The following CYP4F12 variants were observed in gnomAD, a reference collection of about 807,000 sequenced individuals.
CYP4F12 encodes cytochrome P450 4F12.
CYP4F12 carries 60 observed loss-of-function variants against 56.5 expected under a neutral mutation model. The observed-to-expected ratio is 1.06, with a 90% CI of 0.86 to 1.32. The LOEUF is 1.32. Ranked by LOEUF, CYP4F12 falls within the 40% of genes most tolerant of loss-of-function variation. CYP4F12 has a pLI of 0.00. For synonymous variants in CYP4F12, 263 were observed against 264.9 expected, an observed-to-expected ratio of 0.99 and a Z score of 0.07; for missense variants, 711 against 683.5, an observed-to-expected ratio of 1.04 and a Z score of -0.45.
chr19:15,673,409 A>C lies in CYP4F12; in HGVS notation c.-1-120A>C, dbSNP rs1246433341. 14 of 1,131,404 alleles carry C rather than the reference A, an allele frequency of 1.2e-5. 1 individual carries two copies. The highest frequency in any genetic ancestry group is 1.7e-5 in the Non-Finnish European group (14 of 801,738). 70.1% of individuals were successfully genotyped at this position (1,131,404 alleles called of 1,614,324 possible). On this transcript the variant is annotated intron_variant, in intron 1 of 12. Transcript: ENST00000550308. ...GGACTTCAGATCTCAGCCCTCGTTTACTCACCCCTGAGCCCTCCCTGCCCT... is the reference window on the plus strand; with the variant it reads ...GGACTTCAGATCTCAGCCCTCGTTTCCTCACCCCTGAGCCCTCCCTGCCCT...
chr19:15,696,924 G>C lies in CYP4F12; in HGVS notation c.1414G>C (p.Ala472Pro), dbSNP rs201022990. 5.0e-5 allele frequency: 80 copies of C among 1,613,592 alleles called. No homozygotes were observed. The African/African-American group carries it at 9.2e-4, about 19-fold the overall frequency. ...SAGPRNCIGQ[A>P]FAMAEMKVVL... ...CGCCTGCAGGAACTGCATCGGGCAG[G>C]CGTTCGCCATGGCGGAGATGAAAGT... The change falls in exon 13 of 13, where the codon GCG (alanine) becomes CCG (proline). Residue 472 changes from alanine (A) to proline (P), a missense_variant. Physicochemically the swap from Ala to Pro is conservative, Grantham distance 27. Coordinates refer to ENST00000550308, the MANE Select transcript of CYP4F12 (RefSeq NM_023944.4).
In CYP4F12 at chr19:15,673,611, T is replaced by C; in HGVS notation, c.82T>C (p.Ser28Pro). ...PWLLLLLVVG[S>P]WLLARILAWT... ...GCTACTCCTGCTGCTGGTTGTGGGCTCCTGGCTACTCGCCCGCATCCTGGC... is the reference window on the plus strand; with the variant it reads ...GCTACTCCTGCTGCTGGTTGTGGGCCCCTGGCTACTCGCCCGCATCCTGGC... The change falls in exon 2 of 13, where the codon TCC (serine) becomes CCC (proline). Residue 28 changes from serine (S) to proline (P), a missense_variant. Ser to Pro is a moderately conservative substitution (Grantham distance 74, BLOSUM62 -1). Transcript: ENST00000550308. 6.2e-7 allele frequency: 1 copy of C among 1,614,110 alleles called. No homozygotes were observed. Among genetic ancestry groups the C allele is most frequent in the East Asian group, 2.2e-5 (1 of 44,872 alleles).
At chr19:15,682,128 C>A in intron 5 of CYP4F12, 2 of 345,432 alleles carry the variant, frequency 5.8e-6, no homozygotes, top group Non-Finnish European at 1.1e-5. Context: ...TAGAGGAGGG[C>A]AATATGTTGA....
chr19:15,684,452 GC>G, intron 7 of CYP4F12: 1 of 217,072 alleles, frequency 4.6e-6, no homozygotes, highest in Non-Finnish European at 8.9e-6. Flanking sequence ...TATTTTTGGA[GC>G]AATACATAAT....
chr19:15,694,774 A>G (rs1335304330), intron 9 of CYP4F12, among the ~76,000 whole-genome samples: 1 of 152,194 alleles, frequency 6.6e-6, no homozygotes. Context: ...CTGGCCATCA[A>G]AGAAATGCAA....
At chr19:15,675,877 C>G (rs1467271492) in intron 2 of CYP4F12, among the ~76,000 whole-genome samples, 1 of 152,182 alleles carries the variant, frequency 6.6e-6, no homozygotes. Flanking sequence ...TTCTTCTTAT[C>G]TCTAATGCAT....
At chr19:15,679,633 G>A (rs1478732206) in intron 3 of CYP4F12, among the ~76,000 whole-genome samples, 1 of 152,182 alleles carries the variant, frequency 6.6e-6, no homozygotes, top group African/African-American at 2.4e-5. Context: ...ATTTGAAATT[G>A]TCTTTTCTCC....
At chr19:15,685,822 T>C (rs762056758) in intron 9 of CYP4F12, among the ~76,000 whole-genome samples, 2 of 152,266 alleles carry the variant, frequency 1.3e-5, no homozygotes, top group African/African-American at 2.4e-5. Context: ...CCTGAATGTT[T>C]ACTCTTCTGT....
intron 4 of CYP4F12, 38 bp downstream of exon 4, chr19:15,680,335 T>C (rs772214781): frequency 1.8e-5 from 29 of 1,613,260 alleles, no homozygotes; most frequent in Non-Finnish European, 2.3e-5. Flanking sequence ...GGGACAACCT[T>C]GCGGGGAGGG....
At chr19:15,681,441 CAG>C (rs2007294134) in intron 5 of CYP4F12, 1 of 152,196 alleles carries the variant, frequency 6.6e-6, no homozygotes, top group Non-Finnish European at 1.5e-5. Flanking sequence ...ATTCCTGGGT[CAG>C]AGACAAAGGG....
Position 15,696,517 on chromosome 19 carries a change from G to C in CYP4F12, c.1397+5G>C, listed in dbSNP as rs571996132. ...TCCTTTCTCCGCAGGGCCCAGGTAAGAGCGCCCTGTGTCTGAGGCAGGGAT... is the reference window on the plus strand; with the variant it reads ...TCCTTTCTCCGCAGGGCCCAGGTAACAGCGCCCTGTGTCTGAGGCAGGGAT... On this transcript the variant is annotated splice_donor_5th_base_variant and intron_variant, in intron 12 of 12. Transcript: ENST00000550308. The C allele has an allele frequency of 1.1e-5, 17 of 1,612,258 alleles. No homozygotes were observed. In the South Asian group the frequency reaches 1.7e-4, roughly 16 times the overall value.
rs747983978 is a variant in CYP4F12, at chr19:15,685,167, T to G, written c.1085T>G (p.Leu362Arg). Residue 362 changes from leucine (L) to arginine (R), a missense_variant, in exon 9 of 13, where the codon CTG becomes CGG. By Grantham distance (102) the Leu-to-Arg change is moderately radical. Coordinates refer to ENST00000550308, the MANE Select transcript of CYP4F12 (RefSeq NM_023944.4). ...ERCRQEVQEL[L>R]KDRDPKEIEW... ...TGCCGACAGGAGGTGCAAGAGCTTCTGAAGGACCGCGATCCTAAAGAGATT... is the reference window on the plus strand; with the variant it reads ...TGCCGACAGGAGGTGCAAGAGCTTCGGAAGGACCGCGATCCTAAAGAGATT... 1.2e-6 allele frequency: 2 copies of G among 1,614,060 alleles called. No homozygotes were observed. The highest frequency in any genetic ancestry group is 1.7e-6 in the Non-Finnish European group (2 of 1,179,926).
At position 15,696,493 on chromosome 19, in the gene CYP4F12, C is replaced by A; in HGVS notation, c.1378C>A (p.Pro460Thr). The A allele has an allele frequency of 1.2e-6, 2 of 1,614,088 alleles. No individual in the cohort carries two copies. The highest frequency in any genetic ancestry group is 1.7e-6 in the Non-Finnish European group (2 of 1,180,014). Residue 460 changes from proline (P) to threonine (T), a missense_variant, in exon 12 of 13, where the codon CCT becomes ACT. Transcript: ENST00000550308. The part of the protein sequence containing the change: ...SKGRSPLAFI[P>T]FSAGPRNCIG... ...GGGGAGGTCACCTCTGGCTTTTATT[C>A]CTTTCTCCGCAGGGCCCAGGTAAGA... is the stretch of plus-strand genomic sequence containing the variant.
rs1039572413 is a variant in CYP4F12 at position 15,683,577 on chromosome 19, C to T, written c.732C>T (p.Asp244=). 2 of 1,614,064 alleles carry T rather than the reference C, an allele frequency of 1.2e-6. No individual in the cohort carries two copies. The highest frequency in any genetic ancestry group is 1.7e-5 in the Admixed American group (1 of 59,990). ...GCCAGCATATCCTCCAGCACATGGA[C>T]TTTCTGTATTACCTCTCCCATGACG... ...KRSQHILQHM[D]FLYYLSHDGR... Residue 244 remains aspartate (D), a synonymous_variant, in exon 7 of 13, where the codon GAC becomes GAT. Coordinates refer to ENST00000550308, the MANE Select transcript of CYP4F12 (RefSeq NM_023944.4).
intron 2 of CYP4F12, among the ~76,000 whole-genome samples, chr19:15,675,838 CG>C (rs1374909611): frequency 5.3e-5 from 8 of 152,146 alleles, no homozygotes; most frequent in Non-Finnish European, 4.4e-5. Flanking sequence ...TCCCTAGAAA[CG>C]GAATCTCCTT....
rs759293180 is a variant in CYP4F12 at position 15,696,148 on chromosome 19, T to C, written c.1250-13T>C. 6.2e-6 allele frequency: 10 copies of C among 1,613,460 alleles called. No individual in the cohort carries two copies. Among genetic ancestry groups the C allele is most frequent in the Middle Eastern group, 1.7e-4 (1 of 6,056 alleles). On this transcript the variant is annotated splice_polypyrimidine_tract_variant and intron_variant, in intron 10 of 12. Transcript: ENST00000550308. ...GGGGATCCTTGTCCTGACTGCCCCT[T>C]TCTCTCCCACAGGCATTACCTGCCT... is the stretch of plus-strand genomic sequence containing the variant.
chr19:15,696,112 T>C, intron 10 of CYP4F12, 43 bp downstream of exon 10: 1 of 1,610,890 alleles, frequency 6.2e-7, no homozygotes, highest in Non-Finnish European at 8.5e-7. Context: ...GGTAGGAAGA[T>C]GGTTCCCTCA....
intron 2 of CYP4F12, 108 bp downstream of exon 2, chr19:15,673,835 C>A (rs375782627): frequency 7.7e-7 from 1 of 1,298,660 alleles, no homozygotes; most frequent in Non-Finnish European, 1.1e-6. Flanking sequence ...GGGTCTGCGA[C>A]CCCAGAGAAG....
At chr19:15,674,789 A>C (rs964776679) in intron 2 of CYP4F12, among the ~76,000 whole-genome samples, 1 of 134,838 alleles carries the variant, frequency 7.4e-6, no homozygotes, top group African/African-American at 2.7e-5. Flanking sequence ...CTGTCCTCCC[A>C]CCTCAGCCTG....
Sources: gnomAD v4.1 joint callset for allele counts (sites outside exome capture counted in the v4.1 genomes callset) on GRCh38, gnomAD v4.1.1 for gene constraint, MANE v1.5 for transcripts, NCBI Gene and HGNC (gene_info 2026-07-23, HGNC 2026-07-21) for gene names.